The following TASP1 variants were observed in gnomAD, a reference collection of about 807,000 sequenced individuals.
TASP1 encodes the protein taspase 1, also known as threonine aspartase 1.
A neutral mutation model predicts 56.6 loss-of-function variants in TASP1; 16 were observed. The observed-to-expected ratio is 0.28, with a 90% CI of 0.19 to 0.43. The LOEUF (loss-of-function observed/expected upper bound fraction) is 0.43, where lower values mean the gene tolerates loss of function less well. Among genes scored for constraint, TASP1 ranks in the 20% least tolerant of loss-of-function variants. TASP1 has a pLI of 1.00. For missense variants in TASP1, 393 were observed against 511.6 expected, an observed-to-expected ratio of 0.77 and a Z score of 2.24; for synonymous variants, 179 against 184.2, an observed-to-expected ratio of 0.97 and a Z score of 0.23.
intron 8 of TASP1, among the ~76,000 whole-genome samples, chr20:13,539,308 T>C (rs2045532485): frequency 6.6e-6 from 1 of 152,188 alleles, no homozygotes; most frequent in African/African-American, 2.4e-5. Flanking sequence ...ACCAAATATA[T>C]TTATAGAGCA....
At chr20:13,397,714 C>G (rs1298629873) in intron 13 of TASP1, among the ~76,000 whole-genome samples, 1 of 152,234 alleles carries the variant, frequency 6.6e-6, no homozygotes, top group Non-Finnish European at 1.5e-5. Context: ...TGAGCCTCAA[C>G]TCTGCTGTTG....
the TASP1 span, among the ~76,000 whole-genome samples, chr20:13,340,337 C>T: frequency 6.6e-6 from 1 of 152,178 alleles, no homozygotes; most frequent in Non-Finnish European, 1.5e-5. Flanking sequence ...CAACCTCCTA[C>T]CTCCAGATGT....
intron 12 of TASP1, among the ~76,000 whole-genome samples, chr20:13,433,055 C>T (rs1165783072): frequency 2.6e-5 from 4 of 152,048 alleles, no homozygotes; most frequent in African/African-American, 9.7e-5. Context: ...ATACACGTGC[C>T]ATGGAGGGCT....
chr20:13,179,776 G>A, the TASP1 span, among the ~76,000 whole-genome samples: 10 of 152,170 alleles, frequency 6.6e-5, no homozygotes, highest in East Asian at 3.9e-4. Context: ...TGTTTACCCC[G>A]GAGAGTCTGC....
chr20:13,288,648 C>T, the TASP1 span: 1 of 1,614,020 alleles, frequency 6.2e-7, no homozygotes, highest in Non-Finnish European at 8.5e-7. Context: ...TGCACTGCAA[C>T]AGAATCGAGG....
the TASP1 span, among the ~76,000 whole-genome samples, chr20:13,192,506 C>T: frequency 2.6e-5 from 4 of 152,024 alleles, no homozygotes; most frequent in African/African-American, 9.7e-5. Flanking sequence ...ATGCACTCTA[C>T]GTTGGGCAAC....
the TASP1 span, among the ~76,000 whole-genome samples, chr20:13,110,856 T>C: frequency 0.37 from 56,613 of 151,804 alleles, 10,994 homozygotes; most frequent in African/African-American, 0.48. Context: ...GGGGGATATC[T>C]CCTATAATGA....
At chr20:13,272,269 A>T in the TASP1 span, among the ~76,000 whole-genome samples, 1 of 152,212 alleles carries the variant, frequency 6.6e-6, no homozygotes, top group African/African-American at 2.4e-5. Flanking sequence ...ATACGGTTTT[A>T]GATCAGGTTT....
chr20:13,357,338 C>T, the TASP1 span, among the ~76,000 whole-genome samples: 6 of 152,190 alleles, frequency 3.9e-5, no homozygotes, highest in East Asian at 1.9e-4. Context: ...AATTAGGCTA[C>T]GAATTCATTA....
the TASP1 span, among the ~76,000 whole-genome samples, chr20:13,288,917 TG>T: frequency 1.6e-4 from 25 of 152,118 alleles, no homozygotes; most frequent in African/African-American, 6.0e-4. Flanking sequence ...CCTGAGTAGC[TG>T]GGATTACAGG....
At chr20:13,314,096 A>G in the TASP1 span, among the ~76,000 whole-genome samples, 1 of 152,208 alleles carries the variant, frequency 6.6e-6, no homozygotes, top group Non-Finnish European at 1.5e-5. Flanking sequence ...CAAAGAGAAA[A>G]AAAGACTGAA....
chr20:13,225,138 C>A, the TASP1 span, among the ~76,000 whole-genome samples: 1 of 152,046 alleles, frequency 6.6e-6, no homozygotes, highest in Non-Finnish European at 1.5e-5. Flanking sequence ...CAGGCGTGAG[C>A]CACCGCGCCC....
the TASP1 span, chr20:13,299,147 C>T: frequency 1.9e-6 from 3 of 1,612,368 alleles, no homozygotes; most frequent in Admixed American, 5.0e-5. The surrounding 1 kb of genome is among the most constrained non-coding windows in gnomAD (Gnocchi z 5.8). Context: ...TGGAGATCTA[C>T]AAGCCCACTG....
At chr20:13,221,749 G>C in the TASP1 span, 1 of 1,373,252 alleles carries the variant, frequency 7.3e-7, no homozygotes, top group Middle Eastern at 2.7e-4. Flanking sequence ...CCGCCGCGCC[G>C]GGTCCTAAAG....
chr20:13,136,982 A>G, the TASP1 span, among the ~76,000 whole-genome samples: 4 of 152,144 alleles, frequency 2.6e-5, no homozygotes, highest in Admixed American at 2.6e-4. Flanking sequence ...TAACAAGCCT[A>G]TCATAGAATG....
At chr20:13,520,136 T>C (rs1224545875) in intron 10 of TASP1, among the ~76,000 whole-genome samples, 1 of 152,120 alleles carries the variant, frequency 6.6e-6, no homozygotes, top group Non-Finnish European at 1.5e-5. Flanking sequence ...TACAAACAAA[T>C]GAAAGAACAT....
At chr20:13,498,385 G>A (rs1043142531) in intron 10 of TASP1, among the ~76,000 whole-genome samples, 45 of 145,274 alleles carry the variant, frequency 3.1e-4, no homozygotes, top group Non-Finnish European at 7.6e-5. Context: ...GTGTGATGGA[G>A]TCTCATTTTG....
At chr20:13,559,516 G>A (rs2046272569) in intron 7 of TASP1, among the ~76,000 whole-genome samples, 1 of 152,124 alleles carries the variant, frequency 6.6e-6, no homozygotes, top group Non-Finnish European at 1.5e-5. Flanking sequence ...GATATTCCCA[G>A]TGAATGGGCA....
At chr20:13,147,797 T>C in the TASP1 span, among the ~76,000 whole-genome samples, 1 of 152,222 alleles carries the variant, frequency 6.6e-6, no homozygotes, top group African/African-American at 2.4e-5. Flanking sequence ...ACAGTGGTCA[T>C]ATGCTAAATA....
Sources: allele counts gnomAD v4.1 joint callset (sites outside exome capture counted in the v4.1 genomes callset), GRCh38; gene constraint gnomAD v4.1.1; non-coding constraint Gnocchi (gnomAD v3.1); transcripts MANE v1.5; gene names NCBI Gene and HGNC (gene_info 2026-07-23, HGNC 2026-07-21).